Variants in CRB1 observed in about 807,000 individuals in gnomAD.
CRB1 encodes crumbs cell polarity complex component 1, also known as protein crumbs homolog 1.
A neutral mutation model predicts 120.0 loss-of-function variants in CRB1; 83 were observed. That is an observed-to-expected ratio of 0.69 (90% CI 0.58 to 0.83). CRB1 has a LOEUF of 0.83. Among genes scored for constraint, CRB1 ranks in the 40% least tolerant of loss-of-function variants. CRB1 has a pLI of 0.00. For missense variants in CRB1, 1,699 were observed against 1,687.6 expected (o/e 1.01, Z -0.12); for synonymous variants, 625 against 612.5 (o/e 1.02, Z -0.30).
At position 197,427,702 on chromosome 1, in the gene CRB1, G is replaced by A. The variant is rs528781963; in HGVS notation, c.2377G>A (p.Val793Ile). The part of the protein sequence containing the change: ...VVKFVLNDGN[V>I]HLISLKIKPY... ...AAAATTTGTTCTTAATGATGGAAAT[G>A]TCCACTTGATATCTTTGAAAATCAA... The change falls in exon 7 of 12, where the codon GTC (valine) becomes ATC (isoleucine). Residue 793 changes from valine (V) to isoleucine (I), a missense_variant. By Grantham distance (29) the Val-to-Ile change is conservative (BLOSUM62 3). Transcript: ENST00000367400. The A allele has an allele frequency of 3.7e-6, 6 of 1,613,874 alleles. No individual in the cohort carries two copies. The highest frequency in any genetic ancestry group is 1.3e-5 in the African/African-American group (1 of 75,032).
chr1:197,429,220 A>G, intron 7 of CRB1: 1 of 1,472,454 alleles, frequency 6.8e-7, no homozygotes, highest in Non-Finnish European at 9.0e-7. Flanking sequence ...GCTATGGATC[A>G]ATTTTATATC....
chr1:197,425,216 G>A (rs542874821), intron 6 of CRB1, among the ~76,000 whole-genome samples: 2 of 152,284 alleles, frequency 1.3e-5, no homozygotes, highest in East Asian at 3.9e-4. Flanking sequence ...ATTCAGAGAT[G>A]TTAACCTCTT....
intron 11 of CRB1, among the ~76,000 whole-genome samples, chr1:197,446,367 A>G (rs1665702326): frequency 1.3e-5 from 2 of 152,098 alleles, no homozygotes; most frequent in South Asian, 4.1e-4. Context: ...AGGCTGTGGA[A>G]GAAGCAATGG....
chr1:197,212,828 A>G, the CRB1 span, among the ~76,000 whole-genome samples: 1 of 152,200 alleles, frequency 6.6e-6, no homozygotes, highest in African/African-American at 2.4e-5. Flanking sequence ...AAAACAATAG[A>G]AAATTCAGAA....
chr1:197,364,122 G>T, intron 5 of CRB1: 1 of 858,438 alleles, frequency 1.2e-6, no homozygotes. Flanking sequence ...CTTGTGGATG[G>T]GACACCCAGT....
the CRB1 span, among the ~76,000 whole-genome samples, chr1:197,262,674 T>A: frequency 6.6e-6 from 1 of 152,106 alleles, no homozygotes; most frequent in African/African-American, 2.4e-5. Context: ...TTTTCAGCCC[T>A]TCACCCCCTT....
chr1:197,302,767 G>A (rs921568437), intron 1 of CRB1, among the ~76,000 whole-genome samples: 22 of 152,124 alleles, frequency 1.4e-4, no homozygotes, highest in Non-Finnish European at 2.8e-4. Flanking sequence ...ATTAACTAGG[G>A]ACACAAGAGC....
chr1:197,223,342 G>A, the CRB1 span: 1 of 548,580 alleles, frequency 1.8e-6, no homozygotes, highest in South Asian at 2.1e-5. Flanking sequence ...AAAGTAGATA[G>A]CATACTTTAA....
rs142836410 is a variant in CRB1 at position 197,477,746 on chromosome 1, T to C, written c.4088T>C (p.Ile1363Thr). 6.2e-7 allele frequency: 1 copy of C among 1,613,828 alleles called. No homozygotes were observed. Among genetic ancestry groups the C allele is most frequent in the Non-Finnish European group, 8.5e-7 (1 of 1,179,894 alleles). Residue 1363 changes from isoleucine to threonine, a missense_variant, in exon 12 of 12, where the codon ATT (isoleucine) becomes ACT (threonine). By Grantham distance (89) the Ile-to-Thr change is moderately conservative. Transcript: ENST00000367400. ...TTGTTACTGATCCTCTTGCTGGCCA[T>C]TGTTGCTTCTGTTGTCACCTCCAAC... is the stretch of plus-strand genomic sequence containing the variant. ...VALLLILLLA[I>T]VASVVTSNKR...
rs757083987 is a variant in CRB1, at chr1:197,421,450, A to G, written c.1622A>G (p.Tyr541Cys). 4.3e-6 allele frequency: 7 copies of G among 1,614,116 alleles called. No individual in the cohort carries two copies. In the African/African-American group the frequency reaches 5.3e-5, roughly 12 times the overall value. ...VFVKLELLSG[Y>C]IHLSIQVNNQ... ...GTGAAGCTGGAGCTGCTAAGTGGCT[A>G]CATTCACTTATCAATTCAGGTCAAT... The change falls in exon 6 of 12, where the codon TAC (tyrosine) becomes TGC (cysteine). Residue 541 changes from tyrosine (Y) to cysteine (C), a missense_variant. Coordinates refer to ENST00000367400, the MANE Select transcript of CRB1 (RefSeq NM_201253.3).
At chr1:197,452,073 G>A (rs1666000404) in intron 11 of CRB1, among the ~76,000 whole-genome samples, 1 of 152,116 alleles carries the variant, frequency 6.6e-6, no homozygotes, top group Admixed American at 6.5e-5. Flanking sequence ...AAAGGATTTC[G>A]GGAATCATCT....
intron 7 of CRB1, among the ~76,000 whole-genome samples, chr1:197,428,623 T>C (rs1485488011): frequency 1.3e-5 from 2 of 152,230 alleles, no homozygotes; most frequent in Non-Finnish European, 2.9e-5. Context: ...GCTCCAACTA[T>C]GGCCCTACAC....
At chr1:197,371,259 A>G (rs1036128353) in intron 5 of CRB1, among the ~76,000 whole-genome samples, 4 of 152,138 alleles carry the variant, frequency 2.6e-5, no homozygotes, top group African/African-American at 9.7e-5. Context: ...GGTTAAATCA[A>G]TCCTCTACCT....
the CRB1 span, among the ~76,000 whole-genome samples, chr1:197,226,961 C>T: frequency 4.6e-5 from 7 of 152,024 alleles, no homozygotes; most frequent in Non-Finnish European, 1.0e-4. Context: ...GGGAAACTGC[C>T]CCCATGATTC....
At chr1:197,368,605 C>T (rs1039002774) in intron 5 of CRB1, among the ~76,000 whole-genome samples, 2 of 151,992 alleles carry the variant, frequency 1.3e-5, no homozygotes, top group African/African-American at 2.4e-5. Flanking sequence ...TTTGGAAGAC[C>T]ACATACAGAC....
chr1:197,317,598 C>T (rs1399224858), intron 1 of CRB1, among the ~76,000 whole-genome samples: 1 of 151,966 alleles, frequency 6.6e-6, no homozygotes, highest in Non-Finnish European at 1.5e-5. Context: ...TCAAAATATA[C>T]CAAAAGGCTA....
At chr1:197,246,627 G>T in the CRB1 span, among the ~76,000 whole-genome samples, 1 of 151,946 alleles carries the variant, frequency 6.6e-6, no homozygotes, top group Non-Finnish European at 1.5e-5. Context: ...TTTCCTGGAA[G>T]AAGTCGCAAG....
intron 1 of CRB1, among the ~76,000 whole-genome samples, chr1:197,272,122 T>C (rs1053979756): frequency 1.3e-5 from 2 of 152,160 alleles, no homozygotes; most frequent in Admixed American, 1.3e-4. Context: ...TTGAATTTGC[T>C]TAATATGTCA....
intron 1 of CRB1, among the ~76,000 whole-genome samples, chr1:197,286,786 A>G (rs1460563646): frequency 6.6e-6 from 1 of 151,942 alleles, no homozygotes; most frequent in African/African-American, 2.4e-5. Flanking sequence ...CATGTTTTGC[A>G]TTATAATTTC....
Sources: allele counts gnomAD v4.1 joint callset (sites outside exome capture counted in the v4.1 genomes callset), GRCh38; gene constraint gnomAD v4.1.1; transcripts MANE v1.5; gene names NCBI Gene and HGNC (gene_info 2026-07-23, HGNC 2026-07-21).